UGT1A5: variants seen among roughly 807,000 people sequenced by gnomAD.
UGT1A5 encodes the protein UDP-glucuronosyltransferase 1A5.
In UGT1A5, 29 loss-of-function variants were observed where a neutral mutation model predicts 40.3. The observed-to-expected ratio is 0.72, with a 90% CI of 0.54 to 0.98. The LOEUF is 0.98. UGT1A5 is among the 50% of genes least tolerant of loss of function. The pLI, the probability that UGT1A5 is intolerant of heterozygous loss-of-function variation, is 0.00. For missense variants in UGT1A5, 678 were observed against 677.9 expected (o/e 1.00, Z 0.00); for synonymous variants, 257 against 262.5 (o/e 0.98, Z 0.20).
chr2:233,724,135 A>G (rs1575550109), intron 1 of UGT1A5, among the ~76,000 whole-genome samples: 4 of 118,266 alleles, frequency 3.4e-5, no homozygotes, highest in Non-Finnish European at 5.1e-5. Context: ...CACCTCCCGG[A>G]CGGGGCGGCT....
At chr2:233,754,193 TA>T (rs1341563622) in intron 1 of UGT1A5, 2 of 162,294 alleles carry the variant, frequency 1.2e-5, no homozygotes, top group African/African-American at 4.8e-5. Context: ...CACCACACAG[TA>T]AAACATTGAA....
At position 233,769,583 on chromosome 2, in the gene UGT1A5, G is replaced by A. The variant is rs749814257; in HGVS notation, c.1307+1144G>A. ...GTGAAGAGCTGGAGCATGTTCAGATGAGAGGAGACGGAACACGGGGACACA... is the reference window on the plus strand; with the variant it reads ...GTGAAGAGCTGGAGCATGTTCAGATAAGAGGAGACGGAACACGGGGACACA... On this transcript the variant is annotated intron_variant, in intron 4 of 4. Transcript: ENST00000373414. The surrounding 1 kb of genome is among the most constrained non-coding windows in gnomAD (Gnocchi z 4.4). 1.4e-5 allele frequency: 22 copies of A among 1,612,904 alleles called. No individual in the cohort carries two copies. The East Asian group carries it at 4.7e-4, about 34-fold the overall frequency.
chr2:233,768,681 C>T lies in UGT1A5; in HGVS notation c.1307+242C>T, dbSNP rs537750391. On this transcript the variant is annotated intron_variant, in intron 4 of 4. Coordinates refer to ENST00000373414, the MANE Select transcript of UGT1A5 (RefSeq NM_019078.2). Reference sequence around the variant, plus strand: ...GGCTTACTGCAACCTCCACCTCCCACGTTCAAGCAGTTCTGCCTCAGCCTC... The same window carrying T: ...GGCTTACTGCAACCTCCACCTCCCATGTTCAAGCAGTTCTGCCTCAGCCTC... 2.7e-5 allele frequency among the ~76,000 whole-genome samples: 4 copies of T among 148,006 alleles called. No individual in the cohort carries two copies. The East Asian group carries it at 6.1e-4, about 23-fold the overall frequency.
chr2:233,755,210 C>A, intron 1 of UGT1A5: 1 of 1,056,306 alleles, frequency 9.5e-7, no homozygotes, highest in Non-Finnish European at 1.4e-6. Flanking sequence ...GGTACGCCTT[C>A]TTGATACCCT....
intron 1 of UGT1A5, among the ~76,000 whole-genome samples, chr2:233,739,348 G>C (rs1455435875): frequency 6.6e-6 from 1 of 152,152 alleles, no homozygotes. Context: ...GAACCCAGAA[G>C]GGCAGATCCA....
chr2:233,748,954 C>G (rs1349169273), intron 1 of UGT1A5, among the ~76,000 whole-genome samples: 2 of 151,646 alleles, frequency 1.3e-5, no homozygotes, highest in Non-Finnish European at 2.9e-5. Context: ...TATCCCACTC[C>G]AAGTTTCTAT....
At chr2:233,724,529 G>C (rs1336753054) in intron 1 of UGT1A5, among the ~76,000 whole-genome samples, 1 of 116,504 alleles carries the variant, frequency 8.6e-6, no homozygotes, top group East Asian at 2.7e-4. Flanking sequence ...ATGGGGTCTC[G>C]CCGGGCAGAG....
In UGT1A5 at chr2:233,769,710, C is replaced by T. The variant is rs1472517831; in HGVS notation, c.1307+1271C>T. 9.9e-6 allele frequency: 15 copies of T among 1,507,706 alleles called. No homozygotes were observed. Among genetic ancestry groups the T allele is most frequent in the African/African-American group, 1.4e-5 (1 of 72,712 alleles). The allele number at this position is 1,507,706 out of a possible 1,614,324, so 93.4% of individuals were successfully genotyped here. A position where few individuals can be genotyped will look rare whatever the true frequency, so the allele number is the denominator to read the frequency against. On this transcript the variant is annotated intron_variant, in intron 4 of 4. Transcript: ENST00000373414. The surrounding 1 kb of genome is among the most constrained non-coding windows in gnomAD (Gnocchi z 4.4). ...GCACTGGATAAAAGATCAATGTTGG[C>T]TAGGCACCATGGCACACGCCTGTAG...
intron 1 of UGT1A5, among the ~76,000 whole-genome samples, chr2:233,724,315 G>A (rs1179998085): frequency 6.7e-6 from 1 of 148,800 alleles, no homozygotes; most frequent in African/African-American, 2.5e-5. Flanking sequence ...CTCCCGGACG[G>A]GGCGGCTGGC....
intron 1 of UGT1A5, among the ~76,000 whole-genome samples, chr2:233,748,634 A>G (rs1335024517): frequency 6.6e-6 from 1 of 151,774 alleles, no homozygotes; most frequent in East Asian, 1.9e-4. Context: ...GTCTGTGATT[A>G]TAGAATTACA....
At chr2:233,757,562 GTATATA>G (rs1491042837) in intron 1 of UGT1A5, among the ~76,000 whole-genome samples, 1 of 90,870 alleles carries the variant, frequency 1.1e-5, no homozygotes, top group South Asian at 4.4e-4. Context: ...ATATATATAT[GTATATA>G]TGATATAGCT....
intron 1 of UGT1A5, chr2:233,719,745 G>A: frequency 6.2e-7 from 1 of 1,612,936 alleles, no homozygotes; most frequent in Non-Finnish European, 8.5e-7. Flanking sequence ...TTTAAAAAAT[G>A]TATTTACTTA....
rs1187265864 is a variant in UGT1A5 at position 233,756,550 on chromosome 2, C to T, written c.868-10484C>T. Among the ~76,000 whole-genome samples the T allele has an allele frequency of 2.0e-5, 3 of 152,052 alleles. No homozygotes were observed. In the South Asian group the frequency reaches 6.2e-4, roughly 32 times the overall value. On this transcript the variant is annotated intron_variant, in intron 1 of 4. Transcript: ENST00000373414. ...TCACTTTTCTTGACTGCTAAAACAA[C>T]CAGGGAGATCCTCTCAGACAAAAGG...
chr2:233,754,706 C>T, intron 1 of UGT1A5: 1 of 528,090 alleles, frequency 1.9e-6, no homozygotes, highest in South Asian at 1.5e-5. Context: ...TCGACATGGA[C>T]TTGAAGCTGC....
Position 233,712,948 on chromosome 2 carries a change from C to T in UGT1A5, c.-44C>T. On this transcript the variant is annotated 5_prime_UTR_variant, in exon 1 of 5. Coordinates refer to ENST00000373414, the MANE Select transcript of UGT1A5 (RefSeq NM_019078.2). ...AGACGAAGGAAACAATTCTAGGAGG[C>T]ACAACGTGGGGTGGACAGTCAGCTG... is the stretch of plus-strand genomic sequence containing the variant. The T allele has an allele frequency of 1.9e-6, 3 of 1,612,658 alleles. No individual in the cohort carries two copies. Among genetic ancestry groups the T allele is most frequent in the Non-Finnish European group, 2.5e-6 (3 of 1,180,004 alleles).
chr2:233,722,324 C>T (rs1239720305), intron 1 of UGT1A5, among the ~76,000 whole-genome samples: 1 of 152,060 alleles, frequency 6.6e-6, no homozygotes, highest in Non-Finnish European at 1.5e-5. Flanking sequence ...GTTTGGTTGA[C>T]CCTTAGATTT....
At chr2:233,734,277 A>G (rs1251036524) in intron 1 of UGT1A5, among the ~76,000 whole-genome samples, 2 of 152,092 alleles carry the variant, frequency 1.3e-5, no homozygotes, top group African/African-American at 4.8e-5. Context: ...CCAGGAATTT[A>G]TCCATTTCTT....
chr2:233,771,968 G>A (rs942006859), intron 4 of UGT1A5, among the ~76,000 whole-genome samples: 1 of 152,094 alleles, frequency 6.6e-6, no homozygotes, highest in Non-Finnish European at 1.5e-5. Context: ...TTTAAAAATT[G>A]GCCAGACATA....
At chr2:233,726,649 CTTAAT>C (rs898700171) in intron 1 of UGT1A5, among the ~76,000 whole-genome samples, 5 of 152,174 alleles carry the variant, frequency 3.3e-5, no homozygotes, top group Non-Finnish European at 7.3e-5. Context: ...TCTTAAAACT[CTTAAT>C]TTAATCATAT....
Sources: gnomAD v4.1 joint callset for allele counts (sites outside exome capture counted in the v4.1 genomes callset) on GRCh38, gnomAD v4.1.1 for gene constraint, Gnocchi (gnomAD v3.1) non-coding constraint, MANE v1.5 for transcripts, NCBI Gene and HGNC (gene_info 2026-07-23, HGNC 2026-07-21) for gene names.